Variants in GPLD1 observed in about 807,000 individuals in gnomAD.
GPLD1 encodes the protein glycosylphosphatidylinositol specific phospholipase D1, also known as phosphatidylinositol-glycan-specific phospholipase D.
GPLD1 carries 84 observed loss-of-function variants against 112.6 expected under a neutral mutation model. The observed-to-expected ratio is 0.75, with a 90% CI of 0.63 to 0.89. The LOEUF is 0.89. Ranked by LOEUF, GPLD1 falls within the 40% of genes least tolerant of loss-of-function variation. GPLD1 has a pLI of 0.00. For synonymous variants in GPLD1, 386 were observed against 403.8 expected (o/e 0.96, Z 0.53); for missense variants, 1,044 against 1,051.5 (o/e 0.99, Z 0.10).
chr6:24,438,136 C>T (rs1561830276), intron 20 of GPLD1, among the ~76,000 whole-genome samples: 2 of 152,230 alleles, frequency 1.3e-5, no homozygotes, highest in African/African-American at 4.8e-5. Context: ...AGGGCAGCAT[C>T]GCTCTGCATT....
intron 10 of GPLD1, 65 bp from the exon 11 acceptor site, chr6:24,462,860 A>T: frequency 3.0e-5 from 34 of 1,136,464 alleles, no homozygotes; most frequent in Non-Finnish European, 4.4e-5. Context: ...TTTTACCGAG[A>T]ATCGGTAGTG....
chr6:24,489,685 A>T (rs973644347), upstream of GPLD1: 30 of 1,094,758 alleles, frequency 2.7e-5, no homozygotes, highest in African/African-American at 4.0e-4. Context: ...CAACTGTCCA[A>T]CTACTGTTTA....
chr6:24,483,515 C>T (rs1764271159), intron 2 of GPLD1, among the ~76,000 whole-genome samples: 1 of 151,498 alleles, frequency 6.6e-6, no homozygotes, highest in Non-Finnish European at 1.5e-5. Flanking sequence ...TGCGACTCTA[C>T]TGAAAATATA....
chr6:24,446,434 C>A (rs1762912436), intron 18 of GPLD1, among the ~76,000 whole-genome samples: 1 of 152,108 alleles, frequency 6.6e-6, no homozygotes, highest in Non-Finnish European at 1.5e-5. Context: ...CGAGTTCGAG[C>A]CTGCAGTGAG....
chr6:24,446,680 AAGG>A (rs2127330441), intron 18 of GPLD1, among the ~76,000 whole-genome samples, 155 bp downstream of exon 18: 1 of 152,348 alleles, frequency 6.6e-6, no homozygotes, highest in South Asian at 2.1e-4. Context: ...TTAAATTTCT[AAGG>A]AGGAGAATTT....
upstream of GPLD1, among the ~76,000 whole-genome samples, chr6:24,491,699 C>CA (rs143383793): frequency 3.4e-3 from 465 of 134,854 alleles, 1 homozygote; most frequent in South Asian, 0.028. Context: ...GACCCCACCT[C>CA]AAAAAAAAAA....
chr6:24,465,031 T>C (rs1763553480), intron 10 of GPLD1, among the ~76,000 whole-genome samples: 2 of 150,534 alleles, frequency 1.3e-5, no homozygotes, highest in Admixed American at 6.6e-5. Flanking sequence ...ACTCTGTCTC[T>C]ACAAAAAATA....
At chr6:24,495,166 C>G in exon 1 of GPLD1, 1 of 1,479,986 alleles carries the variant, frequency 6.8e-7, no homozygotes, top group Non-Finnish European at 8.9e-7. Context: ...CTCTCTGCGG[C>G]GCTGCTGCGC....
At position 24,467,261 on chromosome 6, in the gene GPLD1, T is replaced by C. The variant is rs1388882996; in HGVS notation, c.559A>G (p.Lys187Glu). The C allele has an allele frequency of 6.3e-7, 1 of 1,576,152 alleles. No homozygotes were observed. ...TTCTCATAAATTCCCAGTAGATCTTTGACTGGCACATACCTGAAAAATGCA... is the reference window on the plus strand; with the variant it reads ...TTCTCATAAATTCCCAGTAGATCTTCGACTGGCACATACCTGAAAAATGCA... ...YLARRWYVPV[K>E]DLLGIYEKLY... is the part of the protein sequence containing the mutation. The change falls in exon 8 of 25, where the codon AAA (lysine) becomes GAA (glutamate). Residue 187 changes from lysine to glutamate, a missense_variant. Coordinates refer to ENST00000230036, the MANE Select transcript of GPLD1 (RefSeq NM_001503.4).
intron 20 of GPLD1, among the ~76,000 whole-genome samples, chr6:24,445,104 T>C (rs930962127): frequency 2.6e-5 from 4 of 152,186 alleles, no homozygotes; most frequent in African/African-American, 7.2e-5. Context: ...CTTGGCTTAC[T>C]GCAACTTCTG....
intron 3 of GPLD1, among the ~76,000 whole-genome samples, 192 bp from the exon 4 acceptor site, chr6:24,476,470 T>C (rs747943836): frequency 9.2e-5 from 14 of 152,134 alleles, no homozygotes; most frequent in Non-Finnish European, 1.9e-4. Context: ...ATACGCGTGG[T>C]ACTGTCTGCC....
intron 14 of GPLD1, among the ~76,000 whole-genome samples, chr6:24,453,575 G>A (rs1483083567): frequency 2.0e-5 from 3 of 152,164 alleles, no homozygotes; most frequent in Non-Finnish European, 4.4e-5. Flanking sequence ...GGCAGAGGTT[G>A]CAGTGAGCAG....
At position 24,473,655 on chromosome 6, in the gene GPLD1, C is replaced by A. The variant is rs139020496; in HGVS notation, c.454G>T (p.Gly152Cys). The A allele has an allele frequency of 1.6e-5, 26 of 1,606,746 alleles. No homozygotes were observed. The highest frequency in any genetic ancestry group is 2.0e-5 in the Non-Finnish European group (24 of 1,174,032). The change falls in exon 6 of 25, where the codon GGC becomes TGC. Residue 152 changes from glycine to cysteine, a missense_variant. Coordinates refer to ENST00000230036, the MANE Select transcript of GPLD1 (RefSeq NM_001503.4). The part of the protein sequence containing the change: ...LRTMGAIDFH[G>C]SYSEAHSAGD... ...GCCGAATGAGCCTCTGAATAGGAGCCGTGAAAATCAATCTAAGAAAGAAAG... is the reference window on the plus strand; with the variant it reads ...GCCGAATGAGCCTCTGAATAGGAGCAGTGAAAATCAATCTAAGAAAGAAAG...
At chr6:24,492,087 A>T (rs1468726102), upstream of GPLD1, among the ~76,000 whole-genome samples, 2 of 152,214 alleles carry the variant, frequency 1.3e-5, no homozygotes, top group African/African-American at 4.8e-5. Context: ...TACCATTTAG[A>T]ACTCTTCTGG....
intron 7 of GPLD1, among the ~76,000 whole-genome samples, chr6:24,470,397 T>C (rs1001218634): frequency 3.3e-5 from 5 of 152,150 alleles, no homozygotes; most frequent in Admixed American, 3.3e-4. Flanking sequence ...TACCTAACAA[T>C]ATATCTTCAA....
At chr6:24,486,045 AAAG>A (rs1219909148) in intron 2 of GPLD1, 27 bp downstream of exon 2, 8 of 1,392,502 alleles carry the variant, frequency 5.7e-6, no homozygotes, top group Non-Finnish European at 8.1e-6. Flanking sequence ...ACTAATGCAC[AAAG>A]AAGAAAAGAA....
rs1762272728 is a variant in GPLD1 at position 24,427,463 on chromosome 6, AGTATT to A, written c.*1564_*1568del. 6.6e-6 allele frequency among the ~76,000 whole-genome samples: 1 copy of A among 152,206 alleles called. No individual in the cohort carries two copies. Among genetic ancestry groups the A allele is most frequent in the Non-Finnish European group, 1.5e-5 (1 of 68,040 alleles). ...GTGTTAGAACAGCCAACTCTACAAAAGTATTGGAGGGCACAGAAGGGTGATAGTCT... is the reference window on the plus strand; with the variant it reads ...GTGTTAGAACAGCCAACTCTACAAAAGGAGGGCACAGAAGGGTGATAGTCT... On this transcript the variant is annotated 3_prime_UTR_variant, in exon 25 of 25. Coordinates refer to ENST00000230036, the MANE Select transcript of GPLD1 (RefSeq NM_001503.4).
chr6:24,484,028 G>A (rs528175138), intron 2 of GPLD1, among the ~76,000 whole-genome samples: 18 of 152,188 alleles, frequency 1.2e-4, no homozygotes, highest in African/African-American at 4.1e-4. Context: ...CCATTCTCCC[G>A]CCTCAGCCTC....
At chr6:24,430,029 G>T (rs1435455004) in intron 24 of GPLD1, among the ~76,000 whole-genome samples, 1 of 152,082 alleles carries the variant, frequency 6.6e-6, no homozygotes, top group Admixed American at 6.5e-5. Flanking sequence ...AACTACTGAT[G>T]AAATCTAGAA....
Sources: allele counts gnomAD v4.1 joint callset (sites outside exome capture counted in the v4.1 genomes callset), GRCh38; gene constraint gnomAD v4.1.1; transcripts MANE v1.5; gene names NCBI Gene and HGNC (gene_info 2026-07-23, HGNC 2026-07-21).